The following ZNF879 variants were observed in gnomAD, a reference collection of about 807,000 sequenced individuals.
ZNF879 encodes the protein zinc finger protein 879.
In ZNF879, 32 loss-of-function variants were observed where a neutral mutation model predicts 44.3. The observed-to-expected ratio is 0.72, with a 90% CI of 0.54 to 0.97. ZNF879 has a LOEUF of 0.97. Among genes scored for constraint, ZNF879 ranks in the 50% least tolerant of loss-of-function variants. The probability of loss-of-function intolerance (pLI) is 0.00; values close to 1 mark genes in which losing one functional copy is unlikely to be tolerated. For missense variants in ZNF879, 621 were observed against 669.7 expected (o/e 0.93, Z 0.80); for synonymous variants, 234 against 233.2 (o/e 1.00, Z -0.03).
chr5:179,025,864 C>T (rs1208958260), intron 2 of ZNF879, among the ~76,000 whole-genome samples: 3 of 151,304 alleles, frequency 2.0e-5, no homozygotes, highest in South Asian at 2.1e-4. Flanking sequence ...TTGAAGCGAG[C>T]GGAGATCATG....
At chr5:179,029,979 G>A (rs576843837) in intron 4 of ZNF879, among the ~76,000 whole-genome samples, 1 of 152,252 alleles carries the variant, frequency 6.6e-6, no homozygotes, top group South Asian at 2.1e-4. Flanking sequence ...AGATGGTTAT[G>A]GGAATACAAA....
In ZNF879 at chr5:179,034,720, C is replaced by T. The variant is rs1761538909; in HGVS notation, c.*1080C>T. On this transcript the variant is annotated 3_prime_UTR_variant, in exon 5 of 5. Transcript: ENST00000444149. ...ACACTCTTCAACAAGTGATTTAGCT[C>T]ATTTCAGCATTTCTAAAATGTGAAT... 6.6e-6 allele frequency: 1 copy of T among 152,206 alleles called. No homozygotes were observed. Among genetic ancestry groups the T allele is most frequent in the South Asian group, 2.1e-4 (1 of 4,830 alleles). The allele number at this position is 152,206 out of a possible 1,614,324, so 9.4% of individuals were successfully genotyped here.
In ZNF879 at chr5:179,033,330, G is replaced by A. The variant is rs750137753; in HGVS notation, c.1382G>A (p.Cys461Tyr). Residue 461 changes from cysteine (C) to tyrosine (Y), a missense_variant, in exon 5 of 5, where the codon TGT becomes TAT. Cys to Tyr is a radical substitution (Grantham distance 194). Transcript: ENST00000444149. ...GAGAAACCATATAATTGTAAGGAAT[G>A]TGGAAAAGCCTTCAGTTCCCACTCA... ...TGEKPYNCKE[C>Y]GKAFSSHSGV... 6.4e-7 allele frequency: 1 copy of A among 1,571,170 alleles called. No homozygotes were observed. Among genetic ancestry groups the A allele is most frequent in the Non-Finnish European group, 8.6e-7 (1 of 1,157,976 alleles).
In ZNF879 at chr5:179,024,804, T is replaced by C. The variant is rs921542477; in HGVS notation, c.-35-166T>C. On this transcript the variant is annotated intron_variant, in intron 1 of 4. Coordinates refer to ENST00000444149, the MANE Select transcript of ZNF879 (RefSeq NM_001136116.3). ...GCAGGCCCGGTGACTCTGAACCTGCTTCCCACACTGGTTTAAGTGGCCGGA... is the reference window on the plus strand; with the variant it reads ...GCAGGCCCGGTGACTCTGAACCTGCCTCCCACACTGGTTTAAGTGGCCGGA... 6 of 586,944 alleles carry C rather than the reference T, an allele frequency of 1.0e-5. No individual in the cohort carries two copies. In the Admixed American group the frequency reaches 1.8e-4, roughly 17 times the overall value. The allele number at this position is 586,944 out of a possible 1,614,324, so 36.4% of individuals were successfully genotyped here. A position where few individuals can be genotyped will look rare whatever the true frequency, so the allele number is the denominator to read the frequency against.
Position 179,034,555 on chromosome 5 carries a change from A to G in ZNF879, c.*915A>G, listed in dbSNP as rs1028766652. 6.6e-6 allele frequency: 1 copy of G among 152,206 alleles called. No individual in the cohort carries two copies. Among genetic ancestry groups the G allele is most frequent in the African/African-American group, 2.4e-5 (1 of 41,458 alleles). The allele number at this position is 152,206 out of a possible 1,614,324, so 9.4% of individuals were successfully genotyped here. A position where few individuals can be genotyped will look rare whatever the true frequency, so the allele number is the denominator to read the frequency against. ...TCAGGTCATCATCCTTGGAGGTAAA[A>G]TGAACCAGATGATTTTCACCCTTAC... On this transcript the variant is annotated 3_prime_UTR_variant, in exon 5 of 5. Coordinates refer to ENST00000444149, the MANE Select transcript of ZNF879 (RefSeq NM_001136116.3).
rs1459028653 is a variant in ZNF879 at position 179,032,533 on chromosome 5, G to A, written c.585G>A (p.Leu195=). 2 of 1,551,702 alleles carry A rather than the reference G, an allele frequency of 1.3e-6. No individual in the cohort carries two copies. Among genetic ancestry groups the A allele is most frequent in the Non-Finnish European group, 1.7e-6 (2 of 1,147,008 alleles). ...AGTATTCAGTTCTCTTTAAACAACT[G>A]GGGGTCAACACAGTGCGTAAATGTT... ...SQQYSVLFKQ[L]GVNTVRKCYK... The change falls in exon 5 of 5, where the codon CTG becomes CTA. Residue 195 remains leucine, a synonymous_variant. Coordinates refer to ENST00000444149, the MANE Select transcript of ZNF879 (RefSeq NM_001136116.3).
At chr5:179,032,039 C>T (rs547452549) in intron 4 of ZNF879, among the ~76,000 whole-genome samples, 166 bp from the exon 5 acceptor site, 2 of 152,198 alleles carry the variant, frequency 1.3e-5, no homozygotes, top group African/African-American at 4.8e-5. Context: ...TTTCTTCAGA[C>T]CCTTCCCACC....
intron 4 of ZNF879, 29 bp downstream of exon 4, chr5:179,028,156 C>T (rs771525121): frequency 1.3e-6 from 2 of 1,540,360 alleles, no homozygotes; most frequent in South Asian, 1.2e-5. Flanking sequence ...GGGAGATGGG[C>T]ATAACATTTT....
chr5:179,025,979 G>A (rs570759684), intron 2 of ZNF879, among the ~76,000 whole-genome samples: 21 of 151,538 alleles, frequency 1.4e-4, no homozygotes, highest in Middle Eastern at 6.9e-3. Flanking sequence ...CAGTTAGTCC[G>A]GAGGCTGAGG....
chr5:179,024,978 T>C lies in ZNF879; in HGVS notation c.-27T>C. ...TTTTTTCTCCATTCCAGGTGCCTTC[T>C]CCAAGAGAGGCAGCAGGGAGGGAGA... is the stretch of plus-strand genomic sequence containing the variant. On this transcript the variant is annotated 5_prime_UTR_variant, in exon 2 of 5. Transcript: ENST00000444149. 1.3e-6 allele frequency: 2 copies of C among 1,551,514 alleles called. No individual in the cohort carries two copies. Among genetic ancestry groups the C allele is most frequent in the Non-Finnish European group, 1.7e-6 (2 of 1,146,886 alleles).
At chr5:179,030,036 A>G (rs952818935) in intron 4 of ZNF879, among the ~76,000 whole-genome samples, 4 of 152,246 alleles carry the variant, frequency 2.6e-5, no homozygotes, top group African/African-American at 7.2e-5. Flanking sequence ...TCATCACAGT[A>G]CAAAGACATG....
rs1761471141 is a variant in ZNF879 at position 179,032,907 on chromosome 5, A to G, written c.959A>G (p.Glu320Gly). Residue 320 changes from glutamate (E) to glycine (G), a missense_variant, in exon 5 of 5, where the codon GAA (glutamate) becomes GGA (glycine). Glu to Gly is a moderately conservative substitution (Grantham distance 98, BLOSUM62 -2). Coordinates refer to ENST00000444149, the MANE Select transcript of ZNF879 (RefSeq NM_001136116.3). ...HTGEKPYKCNECGRAFSQCSS... is the reference protein window; with the variant it reads ...HTGEKPYKCNGCGRAFSQCSS... ...GGAGAGAAGCCCTATAAGTGTAATGAATGTGGGAGGGCCTTCAGTCAGTGC... is the reference window on the plus strand; with the variant it reads ...GGAGAGAAGCCCTATAAGTGTAATGGATGTGGGAGGGCCTTCAGTCAGTGC... 6.4e-7 allele frequency: 1 copy of G among 1,570,858 alleles called. No homozygotes were observed.
At chr5:179,024,933 G>A (rs1430368560) in intron 1 of ZNF879, 37 bp from the exon 2 acceptor site, 1 of 1,503,672 alleles carries the variant, frequency 6.7e-7, no homozygotes, top group Non-Finnish European at 9.1e-7. Context: ...CATGCAGGCT[G>A]GATGAAAAGA....
chr5:179,033,540 T>C lies in ZNF879; in HGVS notation c.1592T>C (p.Met531Thr). 6.4e-7 allele frequency: 1 copy of C among 1,554,022 alleles called. No homozygotes were observed. The highest frequency in any genetic ancestry group is 2.4e-5 in the East Asian group (1 of 41,084). ...CAGAGTTCATCCCTTATGACACACA[T>C]GAGAATTCATACAGGGGAAAAACCT... ...FRQSSSLMTH[M>T]RIHTGEKPYK... Residue 531 changes from methionine to threonine, a missense_variant, in exon 5 of 5, where the codon ATG (methionine) becomes ACG (threonine). By Grantham distance (81) the Met-to-Thr change is moderately conservative (BLOSUM62 -1). Coordinates refer to ENST00000444149, the MANE Select transcript of ZNF879 (RefSeq NM_001136116.3).
chr5:179,029,122 T>C (rs1476618810), intron 4 of ZNF879, among the ~76,000 whole-genome samples: 10 of 150,912 alleles, frequency 6.6e-5, no homozygotes, highest in Non-Finnish European at 1.2e-4. Context: ...TTTTTTCCTC[T>C]CTGCATTGTC....
Position 179,033,371 on chromosome 5 carries a change from C to T in ZNF879, c.1423C>T (p.Arg475Ter), listed in dbSNP as rs1375163992. Residue 475 changes from arginine (R) to a stop codon, truncating the protein, a stop_gained, in exon 5 of 5, where the codon CGA (arginine) becomes TGA (stop). Coordinates refer to ENST00000444149, the MANE Select transcript of ZNF879 (RefSeq NM_001136116.3). LOFTEE classifies it high-confidence loss of function. ...TTCCCACTCAGGCGTTAATACTCATCGAAAAATTCATACTGGAGAAAAACC... is the reference window on the plus strand; with the variant it reads ...TTCCCACTCAGGCGTTAATACTCATTGAAAAATTCATACTGGAGAAAAACC... Reference protein sequence around the residue: ...FSSHSGVNTHRKIHTGEKPYK... With the variant: ...FSSHSGVNTH The T allele has an allele frequency of 8.3e-6, 13 of 1,559,606 alleles. No homozygotes were observed. The highest frequency in any genetic ancestry group is 3.9e-5 in the Admixed American group (2 of 51,652).
chr5:179,031,016 A>G (rs1040713586), intron 4 of ZNF879, among the ~76,000 whole-genome samples: 5 of 152,190 alleles, frequency 3.3e-5, no homozygotes, highest in Non-Finnish European at 7.3e-5. Context: ...TGCTACTTGC[A>G]GAACATCCCA....
chr5:179,025,650 A>G (rs1033117907), intron 2 of ZNF879, among the ~76,000 whole-genome samples: 1 of 152,128 alleles, frequency 6.6e-6, no homozygotes, highest in African/African-American at 2.4e-5. Flanking sequence ...TTTGAAAAAG[A>G]GAGGCCCTGT....
chr5:179,030,471 T>C (rs568140633), intron 4 of ZNF879, among the ~76,000 whole-genome samples: 13 of 152,222 alleles, frequency 8.5e-5, no homozygotes, highest in Non-Finnish European at 1.9e-4. Context: ...ATTGGACATA[T>C]TATATTGCCA....
Sources: allele counts gnomAD v4.1 joint callset (sites outside exome capture counted in the v4.1 genomes callset), GRCh38; gene constraint gnomAD v4.1.1; transcripts MANE v1.5; gene names NCBI Gene and HGNC (gene_info 2026-07-23, HGNC 2026-07-21).